Variants in DLGAP2 observed in about 807,000 individuals in gnomAD.
The protein encoded by DLGAP2 is DLG associated protein 2.
A neutral mutation model predicts 100.3 loss-of-function variants in DLGAP2; 26 were observed. That is an observed-to-expected ratio of 0.26 (90% CI 0.19 to 0.36). DLGAP2 has a LOEUF of 0.36. DLGAP2 is among the 10% of genes least tolerant of loss of function. The probability of loss-of-function intolerance (pLI) is 1.00; values close to 1 mark genes in which losing one functional copy is unlikely to be tolerated. For missense variants in DLGAP2, 1,858 were observed against 1,453.2 expected, an observed-to-expected ratio of 1.28 and a Z score of -4.53; for synonymous variants, 886 against 630.1, an observed-to-expected ratio of 1.41 and a Z score of -6.08.
At chr8:1,237,480 A>G (rs1158192515) in intron 2 of DLGAP2, among the ~76,000 whole-genome samples, 3 of 141,476 alleles carry the variant, frequency 2.1e-5, no homozygotes, top group East Asian at 2.2e-4. Flanking sequence ...TGCCGTGTCT[A>G]GTTCTCTCTC....
At chr8:1,039,302 A>ATGGTCAGCTCGGTGTGCG (rs1802229386) in intron 2 of DLGAP2, among the ~76,000 whole-genome samples, 12 of 123,454 alleles carry the variant, frequency 9.7e-5, no homozygotes, top group Admixed American at 5.0e-4. Flanking sequence ...CTCGGTTTCC[A>ATGGTCAGCTCGGTGTGCG]TGGTCAGCTC....
chr8:795,687 C>G (rs1585871142), intron 1 of DLGAP2, among the ~76,000 whole-genome samples: 1 of 149,694 alleles, frequency 6.7e-6, no homozygotes, highest in Non-Finnish European at 1.5e-5. Flanking sequence ...GAACAGGCGT[C>G]CAGTGAGAGC....
intron 3 of DLGAP2, among the ~76,000 whole-genome samples, chr8:1,360,816 G>A (rs573069028): frequency 1.7e-4 from 26 of 152,306 alleles, no homozygotes; most frequent in African/African-American, 5.0e-4. Context: ...GGAAACAGTC[G>A]CCCTGAGGCA....
chr8:923,734 A>T (rs1303769610), intron 2 of DLGAP2, among the ~76,000 whole-genome samples: 1 of 152,176 alleles, frequency 6.6e-6, no homozygotes, highest in Admixed American at 6.5e-5. Context: ...ATCAGATGTC[A>T]GGGGTCTGTT....
rs545525262 is a variant in DLGAP2 at position 1,190,391 on chromosome 8, C to T, written c.74-68460C>T. Among the ~76,000 whole-genome samples the T allele has an allele frequency of 1.6e-3, 239 of 151,858 alleles. 1 individual carries two copies. The highest frequency in any genetic ancestry group is 5.6e-3 in the African/African-American group (233 of 41,378). ...GTTATGTGCTTGGAGTGGCGAGAGT[C>T]AGGGTCGGGGCATCTGCTGTTGGGG... On this transcript the variant is annotated intron_variant, in intron 2 of 14. Coordinates refer to ENST00000637795, the MANE Select transcript of DLGAP2 (RefSeq NM_001346810.2).
At chr8:1,242,114 G>A (rs980369080) in intron 2 of DLGAP2, among the ~76,000 whole-genome samples, 2 of 152,170 alleles carry the variant, frequency 1.3e-5, no homozygotes, top group East Asian at 3.9e-4. Context: ...AGGCACCATG[G>A]CAGGAACAGA....
In DLGAP2 at chr8:1,358,223, G is replaced by A. The variant is rs575480934; in HGVS notation, c.106+99340G>A. Among the ~76,000 whole-genome samples the A allele has an allele frequency of 4.6e-5, 7 of 152,214 alleles. 1 individual carries two copies. Among genetic ancestry groups the A allele is most frequent in the Admixed American group, 1.3e-4 (2 of 15,284 alleles). ...GGACGCACAAAGGAGAAGGGGCTGC[G>A]AAAGGTTTGGTGAGTGGAATGAGGT... is the stretch of plus-strand genomic sequence containing the variant. On this transcript the variant is annotated intron_variant, in intron 3 of 14. Transcript: ENST00000637795.
intron 3 of DLGAP2, among the ~76,000 whole-genome samples, chr8:1,287,867 C>A (rs1391077542): frequency 8.8e-6 from 1 of 113,182 alleles, no homozygotes; most frequent in Non-Finnish European, 1.7e-5. Flanking sequence ...AGGAGGGGAA[C>A]TTGTTTTGGT....
At chr8:1,152,110 T>C (rs1042893482) in intron 2 of DLGAP2, among the ~76,000 whole-genome samples, 15 of 152,260 alleles carry the variant, frequency 9.9e-5, no homozygotes, top group Admixed American at 4.6e-4. Flanking sequence ...GCACAGTATG[T>C]GTTCAAATAT....
At position 1,316,022 on chromosome 8, in the gene DLGAP2, T is replaced by C. The variant is rs113439574; in HGVS notation, c.106+57139T>C. On this transcript the variant is annotated intron_variant, in intron 3 of 14. Transcript: ENST00000637795. ...GTGCAGCGTCTCTCCAACAGTGGTCTACACTCGAGACACTTGGCAGCTTTT... is the reference window on the plus strand; with the variant it reads ...GTGCAGCGTCTCTCCAACAGTGGTCCACACTCGAGACACTTGGCAGCTTTT... 1.3e-4 allele frequency among the ~76,000 whole-genome samples: 18 copies of C among 138,922 alleles called. 1 individual carries two copies. The highest frequency in any genetic ancestry group is 4.6e-4 in the African/African-American group (18 of 39,092). The allele number at this position is 138,922 out of a possible 152,430, so 91.1% of individuals were successfully genotyped here. A position where few individuals can be genotyped will look rare whatever the true frequency, so the allele number is the denominator to read the frequency against.
chr8:1,678,344 T>A lies in DLGAP2; in HGVS notation c.2419T>A (p.Ser807Thr). ...LQFGSSFQRH[S>T]EPSTPTQYSA... is the part of the protein sequence containing the mutation. ...GTTCGGCTCATCCTTCCAGCGGCAC[T>A]CCGAGCCCAGCACCCCCACCCAGTA... is the stretch of plus-strand genomic sequence containing the variant. Residue 807 changes from serine (S) to threonine (T), a missense_variant, in exon 12 of 15, where the codon TCC (serine) becomes ACC (threonine). By Grantham distance (58) the Ser-to-Thr change is moderately conservative. Coordinates refer to ENST00000637795, the MANE Select transcript of DLGAP2 (RefSeq NM_001346810.2). 2 of 1,613,972 alleles carry A rather than the reference T, an allele frequency of 1.2e-6. No individual in the cohort carries two copies. Among genetic ancestry groups the A allele is most frequent in the Non-Finnish European group, 1.7e-6 (2 of 1,179,892 alleles).
intron 2 of DLGAP2, among the ~76,000 whole-genome samples, chr8:1,136,100 C>G (rs1456279005): frequency 6.6e-6 from 1 of 152,096 alleles, no homozygotes; most frequent in East Asian, 1.9e-4. Context: ...TTGAGATTCC[C>G]CTTGCCTTCC....
chr8:1,381,909 C>T (rs769202217), intron 3 of DLGAP2, among the ~76,000 whole-genome samples: 7 of 150,850 alleles, frequency 4.6e-5, no homozygotes, highest in African/African-American at 7.3e-5. Flanking sequence ...ATAAAATGTA[C>T]GTTTCTTGTC....
intron 5 of DLGAP2, among the ~76,000 whole-genome samples, chr8:1,564,722 G>T (rs754228777): frequency 6.6e-6 from 1 of 152,224 alleles, no homozygotes; most frequent in Admixed American, 6.5e-5. Context: ...ATTCATGGTT[G>T]CTCAAGTCTG....
At chr8:1,241,390 T>A (rs1404270994) in intron 2 of DLGAP2, among the ~76,000 whole-genome samples, 38 of 152,200 alleles carry the variant, frequency 2.5e-4, no homozygotes. Flanking sequence ...TGTCTAGTTC[T>A]CTGTCACATG....
At chr8:749,622 G>T (rs1820741980) in intron 1 of DLGAP2, among the ~76,000 whole-genome samples, 1 of 152,128 alleles carries the variant, frequency 6.6e-6, no homozygotes, top group Admixed American at 6.5e-5. Context: ...TTTGGCCATT[G>T]TTCTGGGGTT....
chr8:1,306,692 C>T (rs1278694199), intron 3 of DLGAP2, among the ~76,000 whole-genome samples: 1 of 152,094 alleles, frequency 6.6e-6, no homozygotes, highest in Non-Finnish European at 1.5e-5. Context: ...CTGGCATAAT[C>T]ACAGACATCT....
intron 2 of DLGAP2, among the ~76,000 whole-genome samples, chr8:1,185,129 T>C (rs1323909839): frequency 6.6e-6 from 1 of 152,122 alleles, no homozygotes; most frequent in East Asian, 1.9e-4. Flanking sequence ...ACCCTGGCAC[T>C]GGTGGCGACG....
intron 2 of DLGAP2, among the ~76,000 whole-genome samples, chr8:987,503 C>A (rs1294391937): frequency 2.6e-5 from 4 of 152,174 alleles, no homozygotes; most frequent in Non-Finnish European, 5.9e-5. Context: ...CTGCCGGACG[C>A]CCCCACGACC....
Sources: allele counts gnomAD v4.1 joint callset (sites outside exome capture counted in the v4.1 genomes callset), GRCh38; gene constraint gnomAD v4.1.1; transcripts MANE v1.5; gene names NCBI Gene and HGNC (gene_info 2026-07-23, HGNC 2026-07-21).